The following SYBU variants were observed in gnomAD, a reference collection of about 807,000 sequenced individuals.
SYBU encodes the protein syntabulin.
SYBU carries 21 observed loss-of-function variants against 35.9 expected under a neutral mutation model. That is an observed-to-expected ratio of 0.58 (90% CI 0.41 to 0.84). The LOEUF (loss-of-function observed/expected upper bound fraction) is 0.84. SYBU is among the 40% of genes least tolerant of loss of function. The pLI is 0.00. For synonymous variants in SYBU, 319 were observed against 324.3 expected, an observed-to-expected ratio of 0.98 and a Z score of 0.18; for missense variants, 768 against 848.2, an observed-to-expected ratio of 0.91 and a Z score of 1.17.
intron 3 of SYBU, among the ~76,000 whole-genome samples, chr8:109,596,355 G>A (rs1824876934): frequency 6.6e-6 from 1 of 152,128 alleles, no homozygotes; most frequent in Admixed American, 6.5e-5. Flanking sequence ...TGACTGCTCT[G>A]TTTAGGTATT....
upstream of SYBU, chr8:109,644,837 C>A: frequency 1.7e-6 from 1 of 588,710 alleles, no homozygotes; most frequent in Non-Finnish European, 2.7e-6. Flanking sequence ...TCCGAGGGCA[C>A]GCCCGACCCC....
At chr8:109,602,717 G>A (rs979640680) in intron 3 of SYBU, among the ~76,000 whole-genome samples, 8 of 152,142 alleles carry the variant, frequency 5.3e-5, no homozygotes, top group African/African-American at 1.9e-4. Flanking sequence ...ACAGGTGTCT[G>A]TGTAATCTTT....
At chr8:109,600,357 C>T (rs1239363808) in intron 3 of SYBU, among the ~76,000 whole-genome samples, 2 of 152,246 alleles carry the variant, frequency 1.3e-5, no homozygotes, top group South Asian at 2.1e-4. Flanking sequence ...CTCCTACTTC[C>T]AGCCTGTATG....
chr8:109,659,927 T>C (rs1363578580), intron 1 of SYBU, among the ~76,000 whole-genome samples: 1 of 152,168 alleles, frequency 6.6e-6, no homozygotes, highest in Non-Finnish European at 1.5e-5. Flanking sequence ...TGTGCAAATA[T>C]AAATGTTTCA....
intron 3 of SYBU, among the ~76,000 whole-genome samples, chr8:109,587,988 T>C (rs1399411089): frequency 6.6e-6 from 1 of 152,200 alleles, no homozygotes; most frequent in Non-Finnish European, 1.5e-5. Context: ...GGATTCATGA[T>C]TGGTAATGCA....
chr8:109,576,644 G>A (rs573037681), intron 6 of SYBU, among the ~76,000 whole-genome samples: 17 of 152,242 alleles, frequency 1.1e-4, no homozygotes, highest in Middle Eastern at 6.8e-3. Flanking sequence ...ATGATGACAA[G>A]CTGCTTATTC....
intron 3 of SYBU, among the ~76,000 whole-genome samples, chr8:109,605,532 A>G (rs1201309067): frequency 6.6e-6 from 1 of 152,192 alleles, no homozygotes; most frequent in African/African-American, 2.4e-5. Flanking sequence ...CGTTCTTTCC[A>G]GGGAAAACAG....
intron 2 of SYBU, among the ~76,000 whole-genome samples, chr8:109,635,767 T>A (rs995909921): frequency 3.9e-5 from 6 of 152,250 alleles, no homozygotes; most frequent in African/African-American, 1.4e-4. Context: ...GCAGGCAGAC[T>A]CCAGTCACTC....
intron 3 of SYBU, among the ~76,000 whole-genome samples, chr8:109,610,237 C>A (rs1465450594): frequency 6.6e-6 from 1 of 152,180 alleles, no homozygotes; most frequent in Non-Finnish European, 1.5e-5. Flanking sequence ...TGTTTGTGTG[C>A]AAGCATCAGC....
intron 2 of SYBU, among the ~76,000 whole-genome samples, chr8:109,622,229 T>TATCTATCTATC (rs1563733893): frequency 2.1e-5 from 3 of 144,248 alleles, no homozygotes; most frequent in East Asian, 2.4e-4. Context: ...ATCTATCATC[T>TATCTATCTATC]ATCTATCTAT....
rs986233571 is a variant in SYBU at position 109,691,429 on chromosome 8, G to C, written c.-154C>G. On this transcript the variant is annotated 5_prime_UTR_variant, in exon 1 of 8. Transcript: ENST00000422135. The surrounding 1 kb of genome is among the most constrained non-coding windows in gnomAD (Gnocchi z 4.7). Reference sequence around the variant, plus strand: ...CCCGGCTGGGCCGGGTGCCGGTGCGGACGGGACCCCGCGTCGCTGCTGGTT... The same window carrying C: ...CCCGGCTGGGCCGGGTGCCGGTGCGCACGGGACCCCGCGTCGCTGCTGGTT... 4 of 674,480 alleles carry C rather than the reference G, an allele frequency of 5.9e-6. No individual in the cohort carries two copies. The highest frequency in any genetic ancestry group is 1.1e-5 in the Non-Finnish European group (4 of 373,788). The allele number at this position is 674,480 out of a possible 1,614,324, so 41.8% of individuals were successfully genotyped here. A position where few individuals can be genotyped will look rare whatever the true frequency, so the allele number is the denominator to read the frequency against.
chr8:109,579,948 G>A lies in SYBU; in HGVS notation c.585C>T (p.Ser195=). 6.2e-7 allele frequency: 1 copy of A among 1,613,756 alleles called. No individual in the cohort carries two copies. The highest frequency in any genetic ancestry group is 8.5e-7 in the Non-Finnish European group (1 of 1,180,032). The change falls in exon 5 of 7, where the codon AGC becomes AGT. Residue 195 remains serine, a synonymous_variant. Coordinates refer to ENST00000276646, the MANE Select transcript of SYBU (RefSeq NM_001099754.2). ...GGTCCTTTTCCCGCGGGGATGATGG[G>A]CTGCTGCCAGGCTTGTGTGACGAAG... The part of the protein sequence containing the change: ...NGASSHKPGS[S]PSSPREKDLL...
In SYBU at chr8:109,624,964, C is replaced by T. The variant is rs114174173; in HGVS notation, c.230-5925G>A. ...GAAATAAAAAATATTTGCTATCTGGCGCTTTATAGAAAAAGTTTGTTGATT... is the reference window on the plus strand; with the variant it reads ...GAAATAAAAAATATTTGCTATCTGGTGCTTTATAGAAAAAGTTTGTTGATT... On this transcript the variant is annotated intron_variant, in intron 2 of 6. Coordinates refer to ENST00000276646, the MANE Select transcript of SYBU (RefSeq NM_001099754.2). Among the ~76,000 whole-genome samples, 238 of 152,144 alleles carry T rather than the reference C, an allele frequency of 1.6e-3. 1 individual carries two copies. Among genetic ancestry groups the T allele is most frequent in the African/African-American group, 5.5e-3 (229 of 41,498 alleles).
intron 1 of SYBU, among the ~76,000 whole-genome samples, chr8:109,655,027 T>C (rs1418723665): frequency 6.6e-6 from 1 of 152,174 alleles, no homozygotes; most frequent in Non-Finnish European, 1.5e-5. Context: ...TCCTTCCCCA[T>C]CCTATCTCTC....
chr8:109,579,703 G>A, intron 5 of SYBU, 96 bp downstream of exon 5: 1 of 1,128,962 alleles, frequency 8.9e-7, no homozygotes, highest in Non-Finnish European at 1.3e-6. Flanking sequence ...ATCAGGCAAG[G>A]GATCAAGAGT....
chr8:109,680,199 C>A (rs976983675), intron 1 of SYBU: 3 of 152,166 alleles, frequency 2.0e-5, no homozygotes, highest in Non-Finnish European at 4.4e-5. Flanking sequence ...CATTCTAGAG[C>A]AAAGCCTGCA....
At chr8:109,679,462 T>G (rs540608475) in intron 1 of SYBU, among the ~76,000 whole-genome samples, 17 of 152,368 alleles carry the variant, frequency 1.1e-4, no homozygotes, top group Non-Finnish European at 2.2e-4. Context: ...GAACTCTCCC[T>G]TGGGGTCTGG....
chr8:109,670,419 ACTTTT>A (rs1267244125), intron 1 of SYBU, among the ~76,000 whole-genome samples: 1 of 151,496 alleles, frequency 6.6e-6, no homozygotes, highest in African/African-American at 2.4e-5. Context: ...TAACAATTAG[ACTTTT>A]CTTATTTATA....
chr8:109,609,144 A>G (rs1455762874), intron 3 of SYBU, among the ~76,000 whole-genome samples: 1 of 152,178 alleles, frequency 6.6e-6, no homozygotes, highest in African/African-American at 2.4e-5. Flanking sequence ...TCCTGCAATT[A>G]CCTCTCAGAA....
Sources: allele counts gnomAD v4.1 joint callset (sites outside exome capture counted in the v4.1 genomes callset), GRCh38; gene constraint gnomAD v4.1.1; non-coding constraint Gnocchi (gnomAD v3.1); transcripts MANE v1.5; gene names NCBI Gene and HGNC (gene_info 2026-07-23, HGNC 2026-07-21).